Variants in IL17RA observed in about 807,000 individuals in gnomAD.
IL17RA encodes interleukin 17 receptor A, also known as interleukin-17 receptor A.
In IL17RA, 34 loss-of-function variants were observed where a neutral mutation model predicts 50.4. The ratio of observed to expected loss-of-function variants is 0.67; its 90% CI spans 0.51 to 0.90. The LOEUF (loss-of-function observed/expected upper bound fraction) is 0.90. IL17RA is among the 40% of genes least tolerant of loss of function. The pLI, the probability that IL17RA is intolerant of heterozygous loss-of-function variation, is 0.00. For missense variants in IL17RA, 1,276 were observed against 1,169.8 expected (o/e 1.09, Z -1.32); for synonymous variants, 585 against 510.4 (o/e 1.15, Z -1.97).
chr22:17,086,612 A>G (rs949660029), intron 1 of IL17RA, among the ~76,000 whole-genome samples: 4 of 152,210 alleles, frequency 2.6e-5, no homozygotes, highest in African/African-American at 9.7e-5. Context: ...CCTAATATCC[A>G]GAGACCTAAC....
chr22:17,106,171 TTTG>T (rs1254013710), intron 11 of IL17RA, among the ~76,000 whole-genome samples: 2 of 152,250 alleles, frequency 1.3e-5, no homozygotes, highest in Admixed American at 6.5e-5. Flanking sequence ...CACGATTATA[TTTG>T]TTGTTATCAA....
In IL17RA at chr22:17,109,598, C is replaced by G; in HGVS notation, c.2379C>G (p.Asp793Glu). ...EEEQRQSVQS[D>E]QGYISRSSPQ... ...AGCAGCGGCAGTCAGTGCAGTCTGA[C>G]CAGGGCTACATCTCCAGGAGCTCCC... The change falls in exon 13 of 13, where the codon GAC becomes GAG. Residue 793 changes from aspartate (D) to glutamate (E), a missense_variant. Physicochemically the swap from Asp to Glu is conservative, Grantham distance 45. Coordinates refer to ENST00000319363, the MANE Select transcript of IL17RA (RefSeq NM_014339.7). 6.2e-7 allele frequency: 1 copy of G among 1,603,708 alleles called. No homozygotes were observed. The highest frequency in any genetic ancestry group is 8.5e-7 in the Non-Finnish European group (1 of 1,175,340).
chr22:17,108,774 G>A lies in IL17RA; in HGVS notation c.1555G>A (p.Ala519Thr), dbSNP rs377143132. 6.0e-5 allele frequency: 96 copies of A among 1,607,790 alleles called. No individual in the cohort carries two copies. Among genetic ancestry groups the A allele is most frequent in the Non-Finnish European group, 7.7e-5 (91 of 1,177,424 alleles). ...CGGCGACGTCCCCGACCTGTTCGGC[G>A]CGGCGCCGCGGTACCCGCTCATGGA... The part of the protein sequence containing the change: ...CDGDVPDLFG[A>T]APRYPLMDRF... The change falls in exon 13 of 13, where the codon GCG (alanine) becomes ACG (threonine). Residue 519 changes from alanine (A) to threonine (T), a missense_variant. Physicochemically the swap from Ala to Thr is moderately conservative, Grantham distance 58. Coordinates refer to ENST00000319363, the MANE Select transcript of IL17RA (RefSeq NM_014339.7).
intron 4 of IL17RA, among the ~76,000 whole-genome samples, chr22:17,100,140 T>TAAA (rs1568919423): frequency 1.2e-4 from 9 of 76,378 alleles, no homozygotes; most frequent in East Asian, 5.1e-4. Flanking sequence ...AGATCCAGGT[T>TAAA]TAAAAAAAAA....
chr22:17,089,911 A>G (rs2123790699), intron 1 of IL17RA, among the ~76,000 whole-genome samples: 1 of 151,898 alleles, frequency 6.6e-6, no homozygotes, highest in South Asian at 2.1e-4. Flanking sequence ...GAAATTAGGG[A>G]TGACTATTGG....
Position 17,114,641 on chromosome 22 carries a change from C to T in IL17RA, c.*4821C>T, listed in dbSNP as rs2061459449. 1 of 152,332 alleles carries T rather than the reference C, an allele frequency of 6.6e-6. No homozygotes were observed. The highest frequency in any genetic ancestry group is 1.5e-5 in the Non-Finnish European group (1 of 68,140). The allele number at this position is 152,332 out of a possible 1,614,324, so 9.4% of individuals were successfully genotyped here. On this transcript the variant is annotated 3_prime_UTR_variant, in exon 13 of 13. Transcript: ENST00000319363. ...GGCTGGTCCCTGCATTTGCCTGCTT[C>T]CCTGCACGGGTGTCCCACTGGCCGC...
rs1419989882 is a variant in IL17RA at position 17,111,023 on chromosome 22, G to C, written c.*1203G>C. ...AGGTGAGTGGAGTGAGCTTGTCAGG[G>C]AGCTGCTGGTGGAGCCTGGAGGGGA... On this transcript the variant is annotated 3_prime_UTR_variant, in exon 13 of 13. Transcript: ENST00000319363. 1 of 151,262 alleles carries C rather than the reference G, an allele frequency of 6.6e-6. No individual in the cohort carries two copies. Among genetic ancestry groups the C allele is most frequent in the African/African-American group, 2.4e-5 (1 of 40,968 alleles). The allele number at this position is 151,262 out of a possible 1,614,324, so 9.4% of individuals were successfully genotyped here.
chr22:17,085,817 G>A (rs538199942), intron 1 of IL17RA, among the ~76,000 whole-genome samples: 6 of 152,266 alleles, frequency 3.9e-5, no homozygotes, highest in African/African-American at 1.4e-4. Context: ...CCCCCAGAGG[G>A]ACCCCGCTGT....
Position 17,103,555 on chromosome 22 carries a change from G to A in IL17RA, c.824G>A (p.Gly275Glu). Reference protein sequence around the residue: ...NVTLTLRNLKGCCRHQVQIQP... With the variant: ...NVTLTLRNLKECCRHQVQIQP... ...ACACTCACTCTACGCAACCTTAAAGGGTGCTGTCGCCACCAAGTGCAGGTG... is the reference window on the plus strand; with the variant it reads ...ACACTCACTCTACGCAACCTTAAAGAGTGCTGTCGCCACCAAGTGCAGGTG... The change falls in exon 8 of 13, where the codon GGG becomes GAG. Residue 275 changes from glycine (G) to glutamate (E), a missense_variant. Transcript: ENST00000319363. 6.2e-7 allele frequency: 1 copy of A among 1,613,442 alleles called. No homozygotes were observed. The highest frequency in any genetic ancestry group is 1.3e-5 in the African/African-American group (1 of 75,030).
chr22:17,105,213 G>C (rs1331814649), intron 9 of IL17RA, among the ~76,000 whole-genome samples: 2 of 152,142 alleles, frequency 1.3e-5, no homozygotes, highest in Non-Finnish European at 2.9e-5. Context: ...CAAACCCCAG[G>C]TTCCTGGATA....
At chr22:17,105,402 G>A (rs1348706707) in intron 9 of IL17RA, among the ~76,000 whole-genome samples, 189 bp from the exon 10 acceptor site, 1 of 152,166 alleles carries the variant, frequency 6.6e-6, no homozygotes, top group African/African-American at 2.4e-5. Flanking sequence ...GAGGAGGCAA[G>A]GTGTCTCTTC....
chr22:17,105,599 C>G lies in IL17RA; in HGVS notation c.940C>G (p.Pro314Ala). The G allele has an allele frequency of 6.2e-7, 1 of 1,613,414 alleles. No individual in the cohort carries two copies. The highest frequency in any genetic ancestry group is 8.5e-7 in the Non-Finnish European group (1 of 1,179,352). Reference protein sequence around the residue: ...PEMPDTPEPIPDYMPLWVYWF... With the variant: ...PEMPDTPEPIADYMPLWVYWF... ...CTCTGTTCTCATTGCAGAACCAATT[C>G]CGGGTAAGCTTGGATCTCTCTCCGA... Residue 314 changes from proline to alanine, a missense_variant, in exon 10 of 13, where the codon CCG becomes GCG. By Grantham distance (27) the Pro-to-Ala change is conservative. Coordinates refer to ENST00000319363, the MANE Select transcript of IL17RA (RefSeq NM_014339.7).
chr22:17,089,982 A>T (rs2061342335), intron 1 of IL17RA, among the ~76,000 whole-genome samples: 1 of 61,976 alleles, frequency 1.6e-5, no homozygotes, highest in South Asian at 5.4e-4. Context: ...GATCCCGAAC[A>T]CTTTTTTTTT....
chr22:17,104,466 CCT>C (rs2061405592), intron 8 of IL17RA, among the ~76,000 whole-genome samples: 1 of 151,986 alleles, frequency 6.6e-6, no homozygotes, highest in African/African-American at 2.4e-5. Context: ...GAAAGCTTGT[CCT>C]CTCTGTGGCA....
intron 9 of IL17RA, 65 bp from the exon 10 acceptor site, chr22:17,105,526 T>C: frequency 2.6e-6 from 4 of 1,535,040 alleles, no homozygotes; most frequent in Non-Finnish European, 3.6e-6. Context: ...GTCAGTTGTG[T>C]TTCTTGTGAT....
intron 1 of IL17RA, among the ~76,000 whole-genome samples, chr22:17,088,061 T>G (rs994833324): frequency 6.6e-6 from 1 of 152,204 alleles, no homozygotes; most frequent in Admixed American, 6.5e-5. Flanking sequence ...CATCCCATAC[T>G]CAACGACAGC....
In IL17RA at chr22:17,094,707, A is replaced by G. The variant is rs1330826719; in HGVS notation, c.139-2355A>G. ...TCTCTCTCTCTATATATATATATAT[A>G]TATATATATATTCAGGGAGATCTTT... On this transcript the variant is annotated intron_variant, in intron 1 of 12. Coordinates refer to ENST00000319363, the MANE Select transcript of IL17RA (RefSeq NM_014339.7). 9.1e-4 allele frequency among the ~76,000 whole-genome samples: 66 copies of G among 72,852 alleles called. 1 individual carries two copies. The highest frequency in any genetic ancestry group is 1.1e-3 in the Non-Finnish European group (42 of 37,944). The allele number at this position is 72,852 out of a possible 152,430, so 47.8% of individuals were successfully genotyped here. A position where few individuals can be genotyped will look rare whatever the true frequency, so the allele number is the denominator to read the frequency against.
Position 17,109,371 on chromosome 22 carries a change from TTCC to T in IL17RA, c.2156_2158del (p.Leu719del). 1.2e-6 allele frequency: 2 copies of T among 1,610,660 alleles called. No homozygotes were observed. The highest frequency in any genetic ancestry group is 1.7e-6 in the Non-Finnish European group (2 of 1,179,510). On this transcript the variant is annotated inframe_deletion, in exon 13 of 13. Transcript: ENST00000319363. ...GGGCGCTGGGCGAAATAGCGTCCTC[TTCC>T]TCCCCGTGGACCCCGAGGACTCGCC...
At chr22:17,088,345 G>T (rs1234905998) in intron 1 of IL17RA, among the ~76,000 whole-genome samples, 1 of 151,974 alleles carries the variant, frequency 6.6e-6, no homozygotes, top group East Asian at 1.9e-4. Flanking sequence ...TTTTGAGAGA[G>T]TTTTGCTCTG....
Sources: allele counts gnomAD v4.1 joint callset (sites outside exome capture counted in the v4.1 genomes callset), GRCh38; gene constraint gnomAD v4.1.1; transcripts MANE v1.5; gene names NCBI Gene and HGNC (gene_info 2026-07-23, HGNC 2026-07-21).